The following RELN variants were observed in gnomAD, a reference collection of about 807,000 sequenced individuals.
RELN encodes the protein reelin.
Under a neutral mutation model 427.6 loss-of-function variants are expected in RELN, and 108 were observed. The observed-to-expected ratio is 0.25, with a 90% CI of 0.22 to 0.30. The LOEUF is 0.30. Ranked by LOEUF, RELN falls within the 10% of genes least tolerant of loss-of-function variation. The probability of loss-of-function intolerance (pLI) is 1.00; values close to 1 mark genes in which losing one functional copy is unlikely to be tolerated. For missense variants in RELN, 3,715 were observed against 4,302.8 expected (o/e 0.86, Z 3.82); for synonymous variants, 1,524 against 1,513.4 (o/e 1.01, Z -0.16).
chr7:103,575,963 C>T (rs1214463544), intron 28 of RELN, among the ~76,000 whole-genome samples: 4 of 152,118 alleles, frequency 2.6e-5, no homozygotes, highest in South Asian at 2.1e-4. Context: ...CTGTAACCTC[C>T]GCCTTCCAGG....
intron 4 of RELN, among the ~76,000 whole-genome samples, chr7:103,773,214 T>TCTCC (rs1342752815): frequency 2.6e-5 from 2 of 77,532 alleles, no homozygotes; most frequent in African/African-American, 8.3e-5. Flanking sequence ...TCTCTCTCTC[T>TCTCC]CTCCCTCCCT....
chr7:103,922,592 T>A (rs1156681388), intron 1 of RELN, among the ~76,000 whole-genome samples: 1 of 152,164 alleles, frequency 6.6e-6, no homozygotes, highest in Non-Finnish European at 1.5e-5. Context: ...CATGATGTAG[T>A]GACACAATTC....
chr7:103,613,843 C>T (rs577555931), intron 20 of RELN, among the ~76,000 whole-genome samples: 3 of 152,190 alleles, frequency 2.0e-5, no homozygotes, highest in Non-Finnish European at 4.4e-5. Context: ...CCCACCTGAG[C>T]ATTTCTGAAA....
intron 3 of RELN, among the ~76,000 whole-genome samples, chr7:103,777,670 A>G (rs925504848): frequency 3.3e-5 from 5 of 152,110 alleles, no homozygotes; most frequent in Non-Finnish European, 7.4e-5. Context: ...GGCTCCCAAC[A>G]TTCCTTGCTC....
chr7:103,534,210 T>G (rs1003021055), intron 46 of RELN, among the ~76,000 whole-genome samples: 2 of 152,246 alleles, frequency 1.3e-5, no homozygotes, highest in Non-Finnish European at 2.9e-5. Context: ...AAGCCCAAAC[T>G]ATAACTCCTG....
At chr7:103,703,793 A>G (rs1270042267) in intron 8 of RELN, among the ~76,000 whole-genome samples, 2 of 152,146 alleles carry the variant, frequency 1.3e-5, no homozygotes, top group Non-Finnish European at 2.9e-5. Context: ...AGGAAAGGTA[A>G]TGGAGAACTT....
At chr7:103,932,722 C>A (rs1034935171) in intron 1 of RELN, among the ~76,000 whole-genome samples, 2 of 152,134 alleles carry the variant, frequency 1.3e-5, no homozygotes, top group Non-Finnish European at 2.9e-5. Flanking sequence ...AAGCAAGCTA[C>A]CAAAGTGGGC....
At chr7:103,759,967 G>T (rs1399886279) in intron 4 of RELN, among the ~76,000 whole-genome samples, 1 of 140,000 alleles carries the variant, frequency 7.1e-6, no homozygotes, top group African/African-American at 2.7e-5. Flanking sequence ...GACTACATTC[G>T]GTCATTGGTG....
chr7:103,535,533 A>T, intron 45 of RELN, 49 bp from the exon 46 acceptor site: 1 of 1,518,586 alleles, frequency 6.6e-7, no homozygotes. Context: ...CTGCAGACCC[A>T]GGAACCATAA....
intron 50 of RELN, among the ~76,000 whole-genome samples, chr7:103,512,110 A>AACTT (rs1302264127): frequency 6.6e-6 from 1 of 152,082 alleles, no homozygotes; most frequent in Non-Finnish European, 1.5e-5. Flanking sequence ...AGATCTCTAG[A>AACTT]ACTTATTTCT....
At chr7:103,888,172 A>G (rs1363638474) in intron 2 of RELN, among the ~76,000 whole-genome samples, 1 of 152,086 alleles carries the variant, frequency 6.6e-6, no homozygotes, top group Non-Finnish European at 1.5e-5. Flanking sequence ...TTTCCCCTAA[A>G]TAAAATTTCC....
intron 8 of RELN, among the ~76,000 whole-genome samples, chr7:103,715,185 C>T (rs894675956): frequency 2.0e-5 from 3 of 152,120 alleles, no homozygotes; most frequent in Admixed American, 6.5e-5. Context: ...ACATAATATG[C>T]AAGCAAAATT....
intron 34 of RELN, among the ~76,000 whole-genome samples, chr7:103,562,867 C>T (rs764099559): frequency 1.1e-4 from 16 of 152,170 alleles, no homozygotes; most frequent in Non-Finnish European, 1.5e-4. Flanking sequence ...ATACATGGCT[C>T]CTCCATTGTC....
chr7:103,952,534 T>A (rs73183776), intron 1 of RELN, among the ~76,000 whole-genome samples: 1 of 151,522 alleles, frequency 6.6e-6, no homozygotes, highest in Admixed American at 6.6e-5. Flanking sequence ...CACACACACA[T>A]ACATACATAC....
chr7:103,887,226 A>C (rs1794743488), intron 2 of RELN, among the ~76,000 whole-genome samples: 1 of 152,198 alleles, frequency 6.6e-6, no homozygotes. Flanking sequence ...TTGACACCCC[A>C]GACAGCCTCA....
intron 2 of RELN, among the ~76,000 whole-genome samples, chr7:103,910,546 T>G (rs1303792075): frequency 3.4e-5 from 5 of 149,020 alleles, no homozygotes. Flanking sequence ...CATCGCCAAG[T>G]CAATCCTAAG....
chr7:103,578,142 CTTATAGTTT>C (rs1831045769), intron 28 of RELN, among the ~76,000 whole-genome samples: 1 of 152,070 alleles, frequency 6.6e-6, no homozygotes. Flanking sequence ...TTCTTGGGCT[CTTATAGTTT>C]TTATAGTTTT....
At chr7:103,475,511 C>T (rs749769677) in intron 64 of RELN, among the ~76,000 whole-genome samples, 1 of 151,898 alleles carries the variant, frequency 6.6e-6, no homozygotes, top group Non-Finnish European at 1.5e-5. Flanking sequence ...TGTTAAAACA[C>T]GTTTAAAGGT....
intron 57 of RELN, among the ~76,000 whole-genome samples, chr7:103,493,757 G>A (rs1431000993): frequency 6.6e-6 from 1 of 152,150 alleles, no homozygotes; most frequent in Admixed American, 6.5e-5. Context: ...AATTCCACAG[G>A]TTGAAGAGGG....
Sources: allele counts gnomAD v4.1 joint callset (sites outside exome capture counted in the v4.1 genomes callset), GRCh38; gene constraint gnomAD v4.1.1; transcripts MANE v1.5; gene names NCBI Gene and HGNC (gene_info 2026-07-23, HGNC 2026-07-21).